The following ZBTB11 variants were observed in gnomAD, a reference collection of about 807,000 sequenced individuals.
ZBTB11 encodes the protein zinc finger and BTB domain containing 11, also known as zinc finger and BTB domain-containing protein 11.
In ZBTB11, 68 loss-of-function variants were observed where a neutral mutation model predicts 113.1. The observed-to-expected ratio is 0.60, with a 90% CI of 0.49 to 0.74. ZBTB11 has a LOEUF of 0.74. Among genes scored for constraint, ZBTB11 ranks in the 30% least tolerant of loss-of-function variants. ZBTB11 has a pLI of 0.00. For synonymous variants in ZBTB11, 518 were observed against 452.6 expected, an observed-to-expected ratio of 1.14 and a Z score of -1.83; for missense variants, 1,104 against 1,279.4, an observed-to-expected ratio of 0.86 and a Z score of 2.09.
chr3:101,654,968 C>T (rs901897880), intron 7 of ZBTB11, 147 bp from the exon 8 acceptor site: 37 of 585,676 alleles, frequency 6.3e-5, no homozygotes, highest in Admixed American at 5.3e-4. Context: ...AACTCCACCT[C>T]CCAGGTTCAA....
At chr3:101,674,419 AG>A (rs1041430231) in intron 1 of ZBTB11, among the ~76,000 whole-genome samples, 6 of 151,220 alleles carry the variant, frequency 4.0e-5, no homozygotes, top group Non-Finnish European at 5.9e-5. Flanking sequence ...AGACCAAAAG[AG>A]GTTGTATTGG....
In ZBTB11 at chr3:101,661,855, A is replaced by G. The variant is rs1473847467; in HGVS notation, c.1801-1827T>C. Reference sequence around the variant, plus strand: ...TTCTGTTTGAAAATAATATTTGTATACTGAGTATCTCAGACCAATTCTATT... The same window carrying G: ...TTCTGTTTGAAAATAATATTTGTATGCTGAGTATCTCAGACCAATTCTATT... On this transcript the variant is annotated intron_variant, in intron 5 of 10. Transcript: ENST00000312938. Among the ~76,000 whole-genome samples the G allele has an allele frequency of 3.3e-5, 5 of 152,024 alleles. No individual in the cohort carries two copies. The East Asian group carries it at 9.6e-4, about 29-fold the overall frequency.
At position 101,665,264 on chromosome 3, in the gene ZBTB11, A is replaced by G; in HGVS notation, c.1323T>C (p.Leu441=). 1 of 1,614,180 alleles carries G rather than the reference A, an allele frequency of 6.2e-7. No individual in the cohort carries two copies. The highest frequency in any genetic ancestry group is 1.1e-5 in the South Asian group (1 of 91,084). The part of the protein sequence containing the change: ...NNTVSNIHPK[L]SKENVISSSP... ...AGCTACTAATTACATTCTCTTTTGA[A>G]AGTTTAGGGTGTATATTAGAAACTG... The change falls in exon 4 of 11, where the codon CTT becomes CTC. Residue 441 remains leucine (L), a synonymous_variant. Coordinates refer to ENST00000312938, the MANE Select transcript of ZBTB11 (RefSeq NM_014415.4).
intron 5 of ZBTB11, 63 bp downstream of exon 5, chr3:101,664,475 A>C (rs1357552860): frequency 2.1e-6 from 3 of 1,456,332 alleles, no homozygotes; most frequent in African/African-American, 1.4e-5. Flanking sequence ...ATAACCATGC[A>C]GTAAGTTGGA....
At chr3:101,656,321 A>AAATGAAT (rs1434117214) in intron 6 of ZBTB11, 73 bp from the exon 7 acceptor site, 2 of 868,318 alleles carry the variant, frequency 2.3e-6, no homozygotes, top group African/African-American at 3.5e-5. Flanking sequence ...AAGACAGAGA[A>AAATGAAT]AATGAATATA....
intron 8 of ZBTB11, among the ~76,000 whole-genome samples, chr3:101,653,944 G>A (rs1295725361): frequency 6.6e-6 from 1 of 152,098 alleles, no homozygotes; most frequent in African/African-American, 2.4e-5. Flanking sequence ...GCCCAGACTA[G>A]TTTTGAACTC....
chr3:101,668,078 T>C (rs986751263), intron 3 of ZBTB11, among the ~76,000 whole-genome samples: 2 of 151,622 alleles, frequency 1.3e-5, no homozygotes, highest in Non-Finnish European at 2.9e-5. Context: ...CTGGAGGACA[T>C]CATGCTAAGT....
chr3:101,677,114 G>C lies in ZBTB11; in HGVS notation c.-200C>G, dbSNP rs1006591351. On this transcript the variant is annotated 5_prime_UTR_variant, in exon 1 of 11. Coordinates refer to ENST00000312938, the MANE Select transcript of ZBTB11 (RefSeq NM_014415.4). ...AGGGGGAACTGCACTTCTCCAGCGC[G>C]CGGGATCCGCTGGCGACTGACAAAA... The C allele has an allele frequency of 1.0e-5, 6 of 578,756 alleles. No homozygotes were observed. The highest frequency in any genetic ancestry group is 4.6e-4 in the Middle Eastern group (1 of 2,172). The allele number at this position is 578,756 out of a possible 1,614,324, so 35.9% of individuals were successfully genotyped here.
intron 3 of ZBTB11, among the ~76,000 whole-genome samples, chr3:101,668,884 A>C (rs1466898731): frequency 6.6e-6 from 1 of 151,970 alleles, no homozygotes; most frequent in Non-Finnish European, 1.5e-5. Flanking sequence ...AAGAGGGCAA[A>C]TTTTGTTTTT....
chr3:101,656,203 G>C lies in ZBTB11; in HGVS notation c.2092C>G (p.Gln698Glu), dbSNP rs753125423. 11 of 1,598,554 alleles carry C rather than the reference G, an allele frequency of 6.9e-6. No individual in the cohort carries two copies. Among genetic ancestry groups the C allele is most frequent in the Non-Finnish European group, 9.4e-6 (11 of 1,173,188 alleles). Residue 698 changes from glutamine to glutamate, a missense_variant, in exon 7 of 11, where the codon CAG becomes GAG. Physicochemically the swap from Gln to Glu is conservative, Grantham distance 29. Around this residue, in one of 5 missense-constraint regions of ZBTB11, gnomAD observed 535 missense variants for 518.6 expected, o/e 1.03. Transcript: ENST00000312938. ...FIYKHGLKLH[Q>E]SLHQSQKQFQ... ...TGCTTCTGTGATTGATGAAGACTCTGATGTAATTTTAGACCATGCTTATAG... is the reference window on the plus strand; with the variant it reads ...TGCTTCTGTGATTGATGAAGACTCTCATGTAATTTTAGACCATGCTTATAG...
chr3:101,660,455 C>G (rs1936869401), intron 5 of ZBTB11, among the ~76,000 whole-genome samples: 1 of 152,120 alleles, frequency 6.6e-6, no homozygotes, highest in Non-Finnish European at 1.5e-5. Flanking sequence ...TTTTTAAAAT[C>G]AAAGTTATAT....
rs1936673062 is a variant in ZBTB11 at position 101,650,118 on chromosome 3, T to C, written c.*1048A>G. The C allele has an allele frequency of 2.0e-5, 3 of 152,186 alleles. No homozygotes were observed. Among genetic ancestry groups the C allele is most frequent in the Non-Finnish European group, 2.9e-5 (2 of 67,994 alleles). 9.4% of individuals were successfully genotyped at this position (152,186 alleles called of 1,614,324 possible). A position where few individuals can be genotyped will look rare whatever the true frequency, so the allele number is the denominator to read the frequency against. Reference sequence around the variant, plus strand: ...GAACTGTAATCAATTTCTTCAAGTATGATACTATGAGGGCTGCACTGAATA... The same window carrying C: ...GAACTGTAATCAATTTCTTCAAGTACGATACTATGAGGGCTGCACTGAATA... On this transcript the variant is annotated 3_prime_UTR_variant, in exon 11 of 11. Coordinates refer to ENST00000312938, the MANE Select transcript of ZBTB11 (RefSeq NM_014415.4).
intron 3 of ZBTB11, among the ~76,000 whole-genome samples, chr3:101,668,210 CAGGAGGGGAGTAT>C (rs1937027032): frequency 6.6e-6 from 1 of 151,310 alleles, no homozygotes; most frequent in Non-Finnish European, 1.5e-5. Context: ...GGCAGGGTGA[CAGGAGGGGAGTAT>C]AGGAGGAGGT....
chr3:101,664,752 C>T, intron 4 of ZBTB11, 38 bp from the exon 5 acceptor site: 1 of 1,536,568 alleles, frequency 6.5e-7, no homozygotes, highest in Middle Eastern at 1.8e-4. Context: ...AGTAAATCTA[C>T]TCAATTTTAA....
rs1936692117 is a variant in ZBTB11 at position 101,651,008 on chromosome 3, C to G, written c.*158G>C. On this transcript the variant is annotated 3_prime_UTR_variant, in exon 11 of 11. Coordinates refer to ENST00000312938, the MANE Select transcript of ZBTB11 (RefSeq NM_014415.4). Reference sequence around the variant, plus strand: ...CACTAAACGGACTTTTCTATAGAACCCATTGGCCAGACAAAATGTTTGGAA... The same window carrying G: ...CACTAAACGGACTTTTCTATAGAACGCATTGGCCAGACAAAATGTTTGGAA... 1 of 759,158 alleles carries G rather than the reference C, an allele frequency of 1.3e-6. No homozygotes were observed. The highest frequency in any genetic ancestry group is 2.3e-5 in the South Asian group (1 of 43,368). 47.0% of individuals were successfully genotyped at this position (759,158 alleles called of 1,614,324 possible).
At chr3:101,653,052 A>T in intron 8 of ZBTB11, 114 bp from the exon 9 acceptor site, 6 of 1,150,996 alleles carry the variant, frequency 5.2e-6, no homozygotes, top group Non-Finnish European at 7.2e-6. Context: ...TCTCAACTTA[A>T]AAGAATTCCC....
At chr3:101,662,003 A>C (rs1936896576) in intron 5 of ZBTB11, 1 of 151,128 alleles carries the variant, frequency 6.6e-6, no homozygotes, top group Admixed American at 6.6e-5. Context: ...TTCCTAAAAT[A>C]CTCTAGTTAT....
intron 8 of ZBTB11, among the ~76,000 whole-genome samples, chr3:101,653,497 C>A (rs998871638): frequency 6.6e-6 from 1 of 152,122 alleles, no homozygotes; most frequent in African/African-American, 2.4e-5. Flanking sequence ...TCAGAGAAAA[C>A]AAGTGCTAAT....
intron 6 of ZBTB11, among the ~76,000 whole-genome samples, chr3:101,657,582 A>G (rs1210529696): frequency 6.6e-6 from 1 of 151,992 alleles, no homozygotes; most frequent in Admixed American, 6.6e-5. Context: ...TATACATAAA[A>G]CACATGTACC....
Sources: gnomAD v4.1 joint callset for allele counts (sites outside exome capture counted in the v4.1 genomes callset) on GRCh38, gnomAD v4.1.1 for gene constraint, gnomAD v4.1.1 regional missense constraint, MANE v1.5 for transcripts, NCBI Gene and HGNC (gene_info 2026-07-23, HGNC 2026-07-21) for gene names.